Variants in ERC1 observed in about 807,000 individuals in gnomAD.
ERC1 encodes the protein RAB6 interacting protein 2.
In ERC1, 56 loss-of-function variants were observed where a neutral mutation model predicts 132.0. That is an observed-to-expected ratio of 0.42 (90% CI 0.34 to 0.53). The LOEUF is 0.53. Among genes scored for constraint, ERC1 ranks in the 20% least tolerant of loss-of-function variants. The pLI is 0.03. For synonymous variants in ERC1, 478 were observed against 476.1 expected, an observed-to-expected ratio of 1.00 and a Z score of -0.05; for missense variants, 1,202 against 1,349.9, an observed-to-expected ratio of 0.89 and a Z score of 1.72.
chr12:1,439,495 C>G (rs1248229388), intron 17 of ERC1, among the ~76,000 whole-genome samples: 1 of 152,116 alleles, frequency 6.6e-6, no homozygotes, highest in Non-Finnish European at 1.5e-5. Flanking sequence ...AGTACTTAAC[C>G]AAAAATGTCT....
At chr12:1,477,205 A>G (rs1205833203) in intron 18 of ERC1, among the ~76,000 whole-genome samples, 1 of 152,226 alleles carries the variant, frequency 6.6e-6, no homozygotes, top group East Asian at 1.9e-4. Flanking sequence ...TGTGATTAAA[A>G]AAAAATTTAA....
At chr12:1,480,957 T>TC in intron 18 of ERC1, 1 of 701,026 alleles carries the variant, frequency 1.4e-6, no homozygotes. Context: ...TGTTGCAAGC[T>TC]CCCCAGTGGA....
intron 17 of ERC1, among the ~76,000 whole-genome samples, chr12:1,424,864 C>CGATCGATCGATA (rs758310289): frequency 3.0e-5 from 3 of 100,950 alleles, no homozygotes. Context: ...ATAGATAGAT[C>CGATCGATCGATA]GATAGATAGA....
chr12:1,014,290 C>T (rs1965162241), intron 1 of ERC1, among the ~76,000 whole-genome samples: 1 of 152,050 alleles, frequency 6.6e-6, no homozygotes, highest in Non-Finnish European at 1.5e-5. Context: ...ATTCTTATGA[C>T]TCAGCCTCCT....
At chr12:1,427,666 G>A (rs767617149) in intron 17 of ERC1, among the ~76,000 whole-genome samples, 1 of 152,148 alleles carries the variant, frequency 6.6e-6, no homozygotes, top group South Asian at 2.1e-4. Flanking sequence ...ATCCAGCGTG[G>A]TGGTCGTGTA....
intron 13 of ERC1, chr12:1,244,778 ACAAGTGCTGGG>A: frequency 7.3e-6 from 2 of 272,560 alleles, no homozygotes; most frequent in Non-Finnish European, 1.5e-5. Context: ...CTCGGCCTCT[ACAAGTGCTGGG>A]ATTACAGGTG....
At chr12:1,411,086 A>G (rs1203237873) in intron 17 of ERC1, among the ~76,000 whole-genome samples, 1 of 152,152 alleles carries the variant, frequency 6.6e-6, no homozygotes, top group Non-Finnish European at 1.5e-5. Flanking sequence ...AGTCATTCTA[A>G]AAATTCTTTT....
At chr12:1,259,696 T>G (rs2077030193) in intron 13 of ERC1, among the ~76,000 whole-genome samples, 1 of 151,994 alleles carries the variant, frequency 6.6e-6, no homozygotes, top group South Asian at 2.1e-4. Flanking sequence ...CTAATTTTTT[T>G]GTATTTTCAG....
chr12:1,136,177 C>A (rs796433598), intron 7 of ERC1, among the ~76,000 whole-genome samples: 23 of 152,308 alleles, frequency 1.5e-4, no homozygotes, highest in African/African-American at 5.3e-4. Context: ...TGATGCTTTC[C>A]GTGGCTAAGG....
At chr12:1,458,690 C>T (rs1299458409) in intron 18 of ERC1, among the ~76,000 whole-genome samples, 1 of 152,170 alleles carries the variant, frequency 6.6e-6, no homozygotes, top group African/African-American at 2.4e-5. Flanking sequence ...AGGCATGCGC[C>T]ACCATGCCCG....
At chr12:1,158,293 T>C (rs1196180712) in intron 8 of ERC1, among the ~76,000 whole-genome samples, 2 of 152,212 alleles carry the variant, frequency 1.3e-5, no homozygotes, top group African/African-American at 4.8e-5. Flanking sequence ...CAGTTTTATA[T>C]TGTGTTGTTT....
rs371101319 is a variant in ERC1 at position 1,104,852 on chromosome 12, A to T, written c.1161+28A>T. Reference sequence around the variant, plus strand: ...AAGTGAGAATCTAGTAAAGAATCTTATGAATTACCTTATACTTTTAAGTGA... The same window carrying T: ...AAGTGAGAATCTAGTAAAGAATCTTTTGAATTACCTTATACTTTTAAGTGA... On this transcript the variant is annotated intron_variant, in intron 4 of 18. Coordinates refer to ENST00000360905, the MANE Select transcript of ERC1 (RefSeq NM_178040.4). 2.3e-5 allele frequency: 34 copies of T among 1,471,538 alleles called. No individual in the cohort carries two copies. In the East Asian group the frequency reaches 7.7e-4, roughly 33 times the overall value. 91.2% of individuals were successfully genotyped at this position (1,471,538 alleles called of 1,614,324 possible). A position where few individuals can be genotyped will look rare whatever the true frequency, so the allele number is the denominator to read the frequency against.
intron 2 of ERC1, among the ~76,000 whole-genome samples, chr12:1,077,731 A>C (rs1281938792): frequency 1.3e-5 from 2 of 152,176 alleles, no homozygotes; most frequent in African/African-American, 4.8e-5. Flanking sequence ...AACTCAATGT[A>C]TCTGTTTTTG....
intron 5 of ERC1, 84 bp downstream of exon 5, chr12:1,110,431 C>T (rs1011363069): frequency 1.1e-5 from 12 of 1,101,456 alleles, no homozygotes; most frequent in African/African-American, 3.2e-5. Flanking sequence ...ATGATAAAGC[C>T]GTATTTTACA....
intron 8 of ERC1, among the ~76,000 whole-genome samples, chr12:1,155,995 G>A (rs915843693): frequency 6.6e-6 from 1 of 151,892 alleles, no homozygotes; most frequent in Non-Finnish European, 1.5e-5. Context: ...AGTTCTTTGT[G>A]TGCCGTTTCA....
rs142912795 is a variant in ERC1 at position 1,247,841 on chromosome 12, A to G, written c.2487+10937A>G. On this transcript the variant is annotated intron_variant, in intron 13 of 18. Transcript: ENST00000360905. ...GAGAAACCCCATCTCCACTAAAAAT[A>G]GAAAAGTAGCCGGGTGTGGTGGCAC... is the stretch of plus-strand genomic sequence containing the variant. Among the ~76,000 whole-genome samples the G allele has an allele frequency of 8.1e-3, 1,229 of 152,248 alleles. 6 individuals are homozygous for G. Among genetic ancestry groups the G allele is most frequent in the Non-Finnish European group, 0.012 (813 of 68,002 alleles).
At chr12:1,204,584 C>T (rs376053953) in intron 12 of ERC1, 34 of 1,367,610 alleles carry the variant, frequency 2.5e-5, no homozygotes, top group Non-Finnish European at 3.1e-5. Context: ...TGAATTCTTA[C>T]AGGGAACTGA....
chr12:1,408,024 AGTTT>A, intron 16 of ERC1, 121 bp from the exon 17 acceptor site: 1 of 640,662 alleles, frequency 1.6e-6, no homozygotes, highest in Admixed American at 2.7e-5. Flanking sequence ...TCCCATATTT[AGTTT>A]ATTTTATTGC....
chr12:1,494,298 TG>T lies in ERC1; in HGVS notation c.*4071del, dbSNP rs2094343263. ...GCCGCCCGTCCATCACTGCCAGCCCTGGGCTGCTCAGGAGGGGACGTGAACC... is the reference window on the plus strand; with the variant it reads ...GCCGCCCGTCCATCACTGCCAGCCCTGGCTGCTCAGGAGGGGACGTGAACC... On this transcript the variant is annotated 3_prime_UTR_variant, in exon 19 of 19. Coordinates refer to ENST00000360905, the MANE Select transcript of ERC1 (RefSeq NM_178040.4). 4.3e-6 allele frequency: 1 copy of T among 231,944 alleles called. No individual in the cohort carries two copies. The highest frequency in any genetic ancestry group is 5.6e-5 in the Admixed American group (1 of 17,742). The allele number at this position is 231,944 out of a possible 1,614,324, so 14.4% of individuals were successfully genotyped here. A position where few individuals can be genotyped will look rare whatever the true frequency, so the allele number is the denominator to read the frequency against.
Sources: gnomAD v4.1 joint callset for allele counts (sites outside exome capture counted in the v4.1 genomes callset) on GRCh38, gnomAD v4.1.1 for gene constraint, MANE v1.5 for transcripts, NCBI Gene and HGNC (gene_info 2026-07-23, HGNC 2026-07-21) for gene names.